The following FGF12 variants were observed in gnomAD, a reference collection of about 807,000 sequenced individuals.
FGF12 encodes the protein fibroblast growth factor 12B.
FGF12 carries 14 observed loss-of-function variants against 23.6 expected under a neutral mutation model. The observed-to-expected ratio is 0.59, with a 90% confidence interval of 0.39 to 0.93. The LOEUF is 0.93. Among genes scored for constraint, FGF12 ranks in the 40% least tolerant of loss-of-function variants. The pLI is 0.00. For synonymous variants in FGF12, 62 were observed against 77.3 expected (o/e 0.80, Z 1.04); for missense variants, 175 against 217.8 (o/e 0.80, Z 1.24).
At chr3:192,556,968 G>T (rs903987857) in intron 2 of FGF12, among the ~76,000 whole-genome samples, 2 of 151,764 alleles carry the variant, frequency 1.3e-5, no homozygotes, top group South Asian at 2.1e-4. Context: ...ATGAGTCAAA[G>T]AAAAAGCCAA....
At chr3:192,669,464 A>T (rs577133154) in intron 2 of FGF12, among the ~76,000 whole-genome samples, 1 of 151,966 alleles carries the variant, frequency 6.6e-6, no homozygotes, top group South Asian at 2.1e-4. Context: ...GTGGGGACCT[A>T]TAGTCCCAGC....
At chr3:192,601,235 A>G (rs1260930312) in intron 2 of FGF12, among the ~76,000 whole-genome samples, 2 of 152,138 alleles carry the variant, frequency 1.3e-5, no homozygotes, top group Non-Finnish European at 2.9e-5. Flanking sequence ...AGAAGCTGAA[A>G]AAGTTGATCT....
intron 2 of FGF12, among the ~76,000 whole-genome samples, chr3:192,561,569 A>G (rs373709620): frequency 1.1e-3 from 167 of 152,140 alleles, no homozygotes; most frequent in South Asian, 6.4e-3. Flanking sequence ...TCACCGTGTT[A>G]GCCAGGATAG....
At chr3:192,221,855 CATG>C (rs1250935337) in intron 4 of FGF12, among the ~76,000 whole-genome samples, 1 of 152,008 alleles carries the variant, frequency 6.6e-6, no homozygotes, top group African/African-American at 2.4e-5. Flanking sequence ...ATAAAATGAT[CATG>C]ATATAAATAC....
At chr3:192,537,457 A>G (rs1015459972) in intron 2 of FGF12, among the ~76,000 whole-genome samples, 1 of 151,974 alleles carries the variant, frequency 6.6e-6, no homozygotes, top group African/African-American at 2.4e-5. Context: ...CATGCTGGCC[A>G]GTGTTTGTGA....
chr3:192,586,743 T>C lies in FGF12; in HGVS notation c.13+140438A>G, dbSNP rs575301516. 1.3e-3 allele frequency among the ~76,000 whole-genome samples: 202 copies of C among 152,328 alleles called. 1 individual carries two copies. The highest frequency in any genetic ancestry group is 3.5e-3 in the African/African-American group (145 of 41,568). ...TTTTGTAGAGAGGCTTTAGTAAATATAAATGTAAGTCTAGGTAACGCCATA... is the reference window on the plus strand; with the variant it reads ...TTTTGTAGAGAGGCTTTAGTAAATACAAATGTAAGTCTAGGTAACGCCATA... On this transcript the variant is annotated intron_variant, in intron 2 of 5. Coordinates refer to ENST00000445105, the MANE Select transcript of FGF12 (RefSeq NM_004113.6).
At chr3:192,351,887 G>A (rs1045532041) in intron 3 of FGF12, among the ~76,000 whole-genome samples, 1 of 152,138 alleles carries the variant, frequency 6.6e-6, no homozygotes, top group Non-Finnish European at 1.5e-5. Flanking sequence ...AGAAACAAGA[G>A]TTGAGGAGGG....
intron 2 of FGF12, among the ~76,000 whole-genome samples, chr3:192,567,854 C>A (rs1280972893): frequency 7.7e-6 from 1 of 130,072 alleles, no homozygotes; most frequent in African/African-American, 2.9e-5. Context: ...TTCTTTTTTT[C>A]AGAGTTTTGC....
chr3:192,693,909 T>C (rs1253860275), intron 2 of FGF12, among the ~76,000 whole-genome samples: 2 of 152,078 alleles, frequency 1.3e-5, no homozygotes, highest in Non-Finnish European at 2.9e-5. Flanking sequence ...CAAGTGTCAC[T>C]ACATTAAACA....
intron 4 of FGF12, among the ~76,000 whole-genome samples, chr3:192,279,819 T>C (rs2108638008): frequency 6.6e-6 from 1 of 152,328 alleles, no homozygotes; most frequent in East Asian, 1.9e-4. Context: ...GTCGATTAAA[T>C]TAAGGAAATG....
Position 192,437,807 on chromosome 3 carries a change from T to C in FGF12, c.14-77269A>G, listed in dbSNP as rs1180437480. 2.6e-5 allele frequency among the ~76,000 whole-genome samples: 4 copies of C among 152,332 alleles called. No individual in the cohort carries two copies. In the South Asian group the frequency reaches 6.2e-4, roughly 24 times the overall value. On this transcript the variant is annotated intron_variant, in intron 2 of 5. Coordinates refer to ENST00000445105, the MANE Select transcript of FGF12 (RefSeq NM_004113.6). ...GTCTCTTTGTAATCTGGAAGCTTTA[T>C]TGGAGAATCCCTCTCACTTAAAGTC...
chr3:192,569,414 C>T (rs759921418), intron 2 of FGF12, among the ~76,000 whole-genome samples: 15 of 152,160 alleles, frequency 9.9e-5, no homozygotes, highest in Non-Finnish European at 2.1e-4. Flanking sequence ...AAGGAACCCT[C>T]GTATTCCTAT....
At chr3:192,272,086 T>C (rs1713477030) in intron 4 of FGF12, among the ~76,000 whole-genome samples, 1 of 152,156 alleles carries the variant, frequency 6.6e-6, no homozygotes, top group Non-Finnish European at 1.5e-5. Context: ...ATAAAAATAA[T>C]GGTGAGTCCT....
At chr3:192,720,649 G>A (rs540804209) in intron 2 of FGF12, among the ~76,000 whole-genome samples, 1 of 152,298 alleles carries the variant, frequency 6.6e-6, no homozygotes, top group African/African-American at 2.4e-5. Flanking sequence ...CAAGTCTGTA[G>A]TACAGAAATG....
intron 2 of FGF12, among the ~76,000 whole-genome samples, chr3:192,639,180 A>G (rs1391595731): frequency 6.6e-6 from 1 of 152,218 alleles, no homozygotes; most frequent in Non-Finnish European, 1.5e-5. Context: ...CAGAAAAATG[A>G]CCAATAGGTA....
At chr3:192,343,573 C>T (rs535227146) in intron 3 of FGF12, among the ~76,000 whole-genome samples, 5 of 152,164 alleles carry the variant, frequency 3.3e-5, no homozygotes, top group Non-Finnish European at 7.4e-5. Flanking sequence ...TCACCCTCCC[C>T]ATTCTCAACA....
intron 4 of FGF12, among the ~76,000 whole-genome samples, chr3:192,252,516 GAAGACAAGAA>G (rs1287813579): frequency 8.5e-6 from 1 of 117,800 alleles, no homozygotes; most frequent in Non-Finnish European, 1.8e-5. Flanking sequence ...GAAGACAAGA[GAAGACAAGAA>G]AAGACAAGAA....
chr3:192,500,660 G>A (rs1316749169), intron 2 of FGF12, among the ~76,000 whole-genome samples: 3 of 152,170 alleles, frequency 2.0e-5, no homozygotes, highest in Admixed American at 6.5e-5. Context: ...GAGAATATTA[G>A]CCAAGCAAGA....
chr3:192,620,150 T>C (rs1442919805), intron 2 of FGF12, among the ~76,000 whole-genome samples: 1 of 152,076 alleles, frequency 6.6e-6, no homozygotes, highest in Non-Finnish European at 1.5e-5. Context: ...ACTCTCATCC[T>C]CCTCATCGAG....
Sources: gnomAD v4.1 joint callset for allele counts (sites outside exome capture counted in the v4.1 genomes callset) on GRCh38, gnomAD v4.1.1 for gene constraint, MANE v1.5 for transcripts, NCBI Gene and HGNC (gene_info 2026-07-23, HGNC 2026-07-21) for gene names.